The following EPHA5 variants were observed in gnomAD, a reference collection of about 807,000 sequenced individuals.
The protein encoded by EPHA5 is ephrin type-A receptor 5.
A neutral mutation model predicts 105.0 loss-of-function variants in EPHA5; 60 were observed. That is an observed-to-expected ratio of 0.57 (90% confidence interval 0.46 to 0.71). The LOEUF (loss-of-function observed/expected upper bound fraction) is 0.71, where lower values mean the gene tolerates loss of function less well. Among genes scored for constraint, EPHA5 ranks in the 30% least tolerant of loss-of-function variants. EPHA5 has a pLI of 0.00. For synonymous variants in EPHA5, 513 were observed against 449.1 expected (o/e 1.14, Z -1.80); for missense variants, 1,218 against 1,274.7 (o/e 0.96, Z 0.68).
At chr4:65,407,581 A>C (rs1722483602) in intron 7 of EPHA5, among the ~76,000 whole-genome samples, 1 of 152,002 alleles carries the variant, frequency 6.6e-6, no homozygotes, top group South Asian at 2.1e-4. Flanking sequence ...CTATGTGTTT[A>C]TCTAATGTCC....
intron 3 of EPHA5, among the ~76,000 whole-genome samples, chr4:65,582,678 AAC>A (rs1310157764): frequency 2.0e-5 from 3 of 151,694 alleles, no homozygotes; most frequent in Admixed American, 6.6e-5. Context: ...AATGAATTCC[AAC>A]ATTTCTTGCA....
At chr4:65,540,792 C>A (rs1343818408) in intron 3 of EPHA5, among the ~76,000 whole-genome samples, 50 of 150,160 alleles carry the variant, frequency 3.3e-4, no homozygotes, top group Non-Finnish European at 2.2e-4. Flanking sequence ...CCCCCATCCC[C>A]TCTCTTTAAT....
intron 14 of EPHA5, among the ~76,000 whole-genome samples, chr4:65,341,046 C>T (rs1399316986): frequency 2.6e-5 from 4 of 151,996 alleles, no homozygotes; most frequent in Admixed American, 6.6e-5. Flanking sequence ...ACATCTATCC[C>T]GGCTTCCCTT....
intron 1 of EPHA5, among the ~76,000 whole-genome samples, chr4:65,648,986 T>C (rs537747011): frequency 7.9e-5 from 12 of 152,316 alleles, no homozygotes; most frequent in East Asian, 5.8e-4. Flanking sequence ...AATTATGTTA[T>C]AGGTTTAGAA....
At chr4:65,325,469 C>A (rs1034468083) in intron 16 of EPHA5, among the ~76,000 whole-genome samples, 65 of 146,908 alleles carry the variant, frequency 4.4e-4, no homozygotes, top group South Asian at 8.7e-4. Context: ...GCTACCCCCC[C>A]AAAAAAATGC....
chr4:65,424,639 T>C (rs1724250304), intron 5 of EPHA5, among the ~76,000 whole-genome samples: 1 of 152,040 alleles, frequency 6.6e-6, no homozygotes, highest in African/African-American at 2.4e-5. Context: ...TTTTATCCTT[T>C]ATCAGTCAAA....
chr4:65,328,950 A>G (rs974091111), intron 16 of EPHA5, among the ~76,000 whole-genome samples: 4 of 151,288 alleles, frequency 2.6e-5, no homozygotes, highest in Non-Finnish European at 5.9e-5. Flanking sequence ...ATTCTATTCC[A>G]GTAACTGATG....
chr4:65,494,446 G>A (rs1731720298), intron 4 of EPHA5, among the ~76,000 whole-genome samples: 5 of 152,120 alleles, frequency 3.3e-5, no homozygotes, highest in Admixed American at 6.6e-5. Context: ...AACAATATGA[G>A]GAGAGAGGGA....
intron 3 of EPHA5, among the ~76,000 whole-genome samples, chr4:65,548,465 A>T (rs556639902): frequency 4.0e-4 from 61 of 152,026 alleles, no homozygotes; most frequent in African/African-American, 1.4e-3. Context: ...CATACCTCTA[A>T]TTGTCACAGA....
chr4:65,668,873 A>T (rs552005212), intron 1 of EPHA5, among the ~76,000 whole-genome samples: 1 of 151,606 alleles, frequency 6.6e-6, no homozygotes, highest in East Asian at 2.0e-4. Flanking sequence ...GCGGCATCCC[A>T]CCTTCTCGCC....
At chr4:65,668,621 T>A (rs1341619576) in intron 1 of EPHA5, among the ~76,000 whole-genome samples, 1 of 151,992 alleles carries the variant, frequency 6.6e-6, no homozygotes. Context: ...ACAGAGGGGC[T>A]GAGCACTGTT....
chr4:65,399,638 T>A (rs573084038), intron 8 of EPHA5, among the ~76,000 whole-genome samples: 1 of 152,382 alleles, frequency 6.6e-6, no homozygotes, highest in Admixed American at 6.5e-5. Context: ...AAGTTTTAAG[T>A]GTTTTGTTTA....
intron 3 of EPHA5, among the ~76,000 whole-genome samples, chr4:65,558,928 A>AT (rs964438078): frequency 2.6e-5 from 4 of 152,106 alleles, no homozygotes; most frequent in Admixed American, 6.6e-5. Flanking sequence ...TTTTAAAGTG[A>AT]TTTTTTAAAA....
At chr4:65,643,910 A>G (rs1412953722) in intron 1 of EPHA5, among the ~76,000 whole-genome samples, 1 of 152,026 alleles carries the variant, frequency 6.6e-6, no homozygotes, top group Non-Finnish European at 1.5e-5. Context: ...AGATTGTAAC[A>G]TTTTTTGTGA....
At chr4:65,476,987 A>G (rs927068445) in intron 5 of EPHA5, among the ~76,000 whole-genome samples, 3 of 152,232 alleles carry the variant, frequency 2.0e-5, no homozygotes, top group Admixed American at 6.5e-5. Flanking sequence ...ACTACCAGAC[A>G]TTGAAATTAT....
chr4:65,603,738 A>G (rs1743962220), intron 2 of EPHA5, among the ~76,000 whole-genome samples: 2 of 152,118 alleles, frequency 1.3e-5, no homozygotes, highest in African/African-American at 4.8e-5. Flanking sequence ...AACAATTTCC[A>G]TATATGTTAT....
In EPHA5 at chr4:65,525,254, A is replaced by T. The variant is rs572428137; in HGVS notation, c.911-29711T>A. ...AGGAAATACTATAATTTATTTTTAAAGTTCCCTCTATGACTGTTGCTATAA... is the reference window on the plus strand; with the variant it reads ...AGGAAATACTATAATTTATTTTTAATGTTCCCTCTATGACTGTTGCTATAA... On this transcript the variant is annotated intron_variant, in intron 3 of 16. Coordinates refer to ENST00000613740, the MANE Select transcript of EPHA5 (RefSeq NM_001281766.3). Among the ~76,000 whole-genome samples, 3 of 151,874 alleles carry T rather than the reference A, an allele frequency of 2.0e-5. No individual in the cohort carries two copies. In the East Asian group the frequency reaches 5.8e-4, roughly 29 times the overall value.
chr4:65,554,730 G>A (rs1241775133), intron 3 of EPHA5, among the ~76,000 whole-genome samples: 2 of 151,618 alleles, frequency 1.3e-5, no homozygotes, highest in East Asian at 1.9e-4. Context: ...TCTATAAAAT[G>A]TTATCTAAGT....
At chr4:65,419,676 C>A (rs949600623) in intron 6 of EPHA5, among the ~76,000 whole-genome samples, 1 of 152,010 alleles carries the variant, frequency 6.6e-6, no homozygotes, top group Middle Eastern at 3.2e-3. Flanking sequence ...ATGAATGGGG[C>A]GGGAGTAGTA....
Sources: gnomAD v4.1 joint callset for allele counts (sites outside exome capture counted in the v4.1 genomes callset) on GRCh38, gnomAD v4.1.1 for gene constraint, MANE v1.5 for transcripts, NCBI Gene and HGNC (gene_info 2026-07-23, HGNC 2026-07-21) for gene names.